Variants in CAMK4 observed in about 807,000 individuals in gnomAD.
CAMK4 encodes calcium/calmodulin-dependent protein kinase type IV.
CAMK4 carries 22 observed loss-of-function variants against 44.9 expected under a neutral mutation model. The observed-to-expected ratio is 0.49, with a 90% CI of 0.35 to 0.70. The LOEUF is 0.70. Among genes scored for constraint, CAMK4 ranks in the 30% least tolerant of loss-of-function variants. The pLI is 0.01. For synonymous variants in CAMK4, 218 were observed against 215.4 expected (o/e 1.01, Z -0.11); for missense variants, 498 against 586.8 (o/e 0.85, Z 1.56).
At chr5:111,429,364 C>T (rs1753348038) in intron 5 of CAMK4, among the ~76,000 whole-genome samples, 1 of 151,982 alleles carries the variant, frequency 6.6e-6, no homozygotes, top group Admixed American at 6.6e-5. Context: ...AACTACATGC[C>T]AATAAATTGG....
intron 1 of CAMK4, among the ~76,000 whole-genome samples, chr5:111,272,644 T>C (rs1304303179): frequency 6.6e-6 from 1 of 152,194 alleles, no homozygotes; most frequent in African/African-American, 2.4e-5. Context: ...CTTGGAAGCA[T>C]TGTAAATAAA....
At chr5:111,459,614 A>C (rs1414890353) in intron 7 of CAMK4, among the ~76,000 whole-genome samples, 1 of 151,930 alleles carries the variant, frequency 6.6e-6, no homozygotes, top group African/African-American at 2.4e-5. Context: ...TGGTTGATAA[A>C]ATCGAATCTC....
At chr5:111,455,970 G>A (rs1390667776) in intron 7 of CAMK4, among the ~76,000 whole-genome samples, 2 of 152,110 alleles carry the variant, frequency 1.3e-5, no homozygotes, top group Non-Finnish European at 2.9e-5. Flanking sequence ...ACAGTACCTG[G>A]TAACTAAAAC....
At chr5:111,282,048 C>G (rs983180396) in intron 1 of CAMK4, among the ~76,000 whole-genome samples, 4 of 149,618 alleles carry the variant, frequency 2.7e-5, no homozygotes, top group Non-Finnish European at 5.9e-5. Context: ...GACAGCGAGA[C>G]TCCGTCTCAA....
intron 6 of CAMK4, among the ~76,000 whole-genome samples, chr5:111,448,729 C>T (rs990482487): frequency 2.0e-5 from 3 of 151,972 alleles, no homozygotes; most frequent in African/African-American, 7.2e-5. Context: ...TGCTTGAACC[C>T]GGGAGGCAGA....
At chr5:111,355,353 G>A (rs1396671679) in intron 2 of CAMK4, among the ~76,000 whole-genome samples, 1 of 152,026 alleles carries the variant, frequency 6.6e-6, no homozygotes, top group Non-Finnish European at 1.5e-5. Flanking sequence ...GTTAAATCTT[G>A]GCCTGATTTG....
intron 2 of CAMK4, among the ~76,000 whole-genome samples, chr5:111,351,626 G>A (rs980622909): frequency 4.0e-5 from 6 of 151,624 alleles, no homozygotes; most frequent in African/African-American, 1.2e-4. Context: ...TGGCCAGACT[G>A]GTCTCGAACT....
rs78976595 is a variant in CAMK4, at chr5:111,362,239, A to G, written c.241-12611A>G. Among the ~76,000 whole-genome samples the G allele has an allele frequency of 4.6e-3, 707 of 152,180 alleles. 4 individuals are homozygous for G. The highest frequency in any genetic ancestry group is 0.017 in the African/African-American group (689 of 41,570). On this transcript the variant is annotated intron_variant, in intron 2 of 10. Coordinates refer to ENST00000282356, the MANE Select transcript of CAMK4 (RefSeq NM_001744.6). ...GGGACTTGATTAAAGACTCTAAATG[A>G]TCAAGCCAGGATTCAAATTGAATTC...
chr5:111,421,703 GT>G (rs1753037891), intron 5 of CAMK4, among the ~76,000 whole-genome samples: 1 of 151,996 alleles, frequency 6.6e-6, no homozygotes, highest in Non-Finnish European at 1.5e-5. Flanking sequence ...TATTCCCCAA[GT>G]TTTTTCATGA....
At chr5:111,243,769 G>C (rs1056349086) in intron 1 of CAMK4, among the ~76,000 whole-genome samples, 1 of 152,156 alleles carries the variant, frequency 6.6e-6, no homozygotes, top group African/African-American at 2.4e-5. Flanking sequence ...TTACAAAGGG[G>C]CACTGCTGGG....
chr5:111,347,064 G>T (rs778467878), intron 2 of CAMK4, among the ~76,000 whole-genome samples: 46 of 152,112 alleles, frequency 3.0e-4, no homozygotes, highest in Admixed American at 7.2e-4. Context: ...GGCCCCAAAA[G>T]GTGGGAGTAT....
At chr5:111,232,758 GA>G (rs1748536687) in intron 1 of CAMK4, among the ~76,000 whole-genome samples, 1 of 151,470 alleles carries the variant, frequency 6.6e-6, no homozygotes, top group East Asian at 1.9e-4. Flanking sequence ...GAAAACTGAT[GA>G]TGTAAATTTT....
At chr5:111,440,916 C>T (rs150137614) in intron 5 of CAMK4, among the ~76,000 whole-genome samples, 1 of 152,126 alleles carries the variant, frequency 6.6e-6, no homozygotes, top group African/African-American at 2.4e-5. Flanking sequence ...CGAATAGCTA[C>T]CATTTACACA....
chr5:111,293,161 G>A (rs1747343061), intron 1 of CAMK4, among the ~76,000 whole-genome samples: 1 of 152,048 alleles, frequency 6.6e-6, no homozygotes, highest in Non-Finnish European at 1.5e-5. Flanking sequence ...AGCCATCATT[G>A]ACACACACAT....
chr5:111,322,643 A>G (rs1748709870), intron 1 of CAMK4, among the ~76,000 whole-genome samples: 1 of 152,062 alleles, frequency 6.6e-6, no homozygotes, highest in Non-Finnish European at 1.5e-5. Context: ...TGTGACCTAG[A>G]ATCAGGGTGG....
At chr5:111,261,660 C>G (rs556860660) in intron 1 of CAMK4, among the ~76,000 whole-genome samples, 49 of 151,498 alleles carry the variant, frequency 3.2e-4, no homozygotes, top group Non-Finnish European at 6.0e-4. Flanking sequence ...GTTTATCATG[C>G]AAAAGTTGGA....
chr5:111,400,133 G>GTT (rs5870449), intron 5 of CAMK4, among the ~76,000 whole-genome samples: 120 of 150,926 alleles, frequency 8.0e-4, no homozygotes, highest in African/African-American at 2.0e-3. Flanking sequence ...TTGAGGGTTT[G>GTT]TTTTTTTTTG....
At chr5:111,407,898 G>A (rs1239859364) in intron 5 of CAMK4, among the ~76,000 whole-genome samples, 3 of 152,098 alleles carry the variant, frequency 2.0e-5, no homozygotes, top group Non-Finnish European at 2.9e-5. Context: ...GGCTGAGGTG[G>A]GCAGATCACT....
rs146738836 is a variant in CAMK4 at position 111,258,898 on chromosome 5, C to T, written c.161+34254C>T. 9.0e-4 allele frequency among the ~76,000 whole-genome samples: 137 copies of T among 152,074 alleles called. No homozygotes were observed. The East Asian group carries it at 0.011, about 13-fold the overall frequency. On this transcript the variant is annotated intron_variant, in intron 1 of 10. Transcript: ENST00000282356. ...ATTTAGCTAAGAAAAGTAAACAACT[C>T]AATCTATGTATGTCAAAGAGAACCT...
Sources: allele counts gnomAD v4.1 joint callset (sites outside exome capture counted in the v4.1 genomes callset), GRCh38; gene constraint gnomAD v4.1.1; transcripts MANE v1.5; gene names NCBI Gene and HGNC (gene_info 2026-07-23, HGNC 2026-07-21).